COL6A2: variants seen among roughly 807,000 people sequenced by gnomAD.
COL6A2 encodes collagen type VI alpha 2 chain, also known as collagen alpha-2(VI) chain.
In COL6A2, 90 loss-of-function variants were observed where a neutral mutation model predicts 124.9. The observed-to-expected ratio is 0.72, with a 90% CI of 0.61 to 0.86. COL6A2 has a LOEUF of 0.86. Ranked by LOEUF, COL6A2 falls within the 40% of genes least tolerant of loss-of-function variation. The probability of loss-of-function intolerance (pLI) is 0.00; values close to 1 mark genes in which losing one functional copy is unlikely to be tolerated. For missense variants in COL6A2, 1,607 were observed against 1,502.5 expected, an observed-to-expected ratio of 1.07 and a Z score of -1.15; for synonymous variants, 793 against 618.2, an observed-to-expected ratio of 1.28 and a Z score of -4.19.
intron 5 of COL6A2, among the ~76,000 whole-genome samples, chr21:46,115,390 T>C (rs1371433948): frequency 6.6e-6 from 1 of 152,244 alleles, no homozygotes; most frequent in Non-Finnish European, 1.5e-5. Flanking sequence ...AATAGATGAA[T>C]TTATTTAATA....
chr21:46,111,448 A>G lies in COL6A2; in HGVS notation c.-27-2A>G. 1.3e-6 allele frequency: 2 copies of G among 1,567,354 alleles called. No individual in the cohort carries two copies. Among genetic ancestry groups the G allele is most frequent in the South Asian group, 1.1e-5 (1 of 89,838 alleles). ...TCTGAGCGACCCCCACCCCTGTTGCAGGACTTCAGGGCCACAGGTGCTGCC... is the reference window on the plus strand; with the variant it reads ...TCTGAGCGACCCCCACCCCTGTTGCGGGACTTCAGGGCCACAGGTGCTGCC... On this transcript the variant is annotated splice_acceptor_variant, in intron 1 of 27. Transcript: ENST00000300527. LOFTEE classifies it low-confidence loss of function (5UTR_SPLICE).
chr21:46,129,444 C>T (rs1235698604), intron 27 of COL6A2: 6 of 1,604,652 alleles, frequency 3.7e-6, no homozygotes, highest in Non-Finnish European at 5.1e-6. Context: ...TAAGCTGGTG[C>T]ACAGGGACAT....
intron 27 of COL6A2, chr21:46,129,720 C>A: frequency 2.9e-6 from 4 of 1,399,822 alleles, no homozygotes; most frequent in South Asian, 3.4e-5. Context: ...CTTCCTGTGG[C>A]CGCTCTCTTT....
intron 27 of COL6A2, among the ~76,000 whole-genome samples, chr21:46,131,081 A>G (rs1215509136): frequency 6.6e-6 from 1 of 152,102 alleles, no homozygotes; most frequent in Non-Finnish European, 1.5e-5. Context: ...ACCAGCTGTG[A>G]CGACGTCCAG....
intron 27 of COL6A2, chr21:46,129,018 G>A: frequency 6.2e-7 from 1 of 1,603,478 alleles, no homozygotes; most frequent in South Asian, 1.1e-5. Context: ...TGTGCTCACT[G>A]CCCCCACGCC....
chr21:46,132,676 T>C lies in COL6A2; in HGVS notation c.*124T>C. 2.0e-6 allele frequency: 2 copies of C among 995,504 alleles called. No homozygotes were observed. Among genetic ancestry groups the C allele is most frequent in the Non-Finnish European group, 3.0e-6 (2 of 663,142 alleles). The allele number at this position is 995,504 out of a possible 1,614,324, so 61.7% of individuals were successfully genotyped here. ...GGACGACGCCCTGGGCCTGCACCTCTCCAGCTCCTCCCACGGGGTCCCCGT... is the reference window on the plus strand; with the variant it reads ...GGACGACGCCCTGGGCCTGCACCTCCCCAGCTCCTCCCACGGGGTCCCCGT... On this transcript the variant is annotated 3_prime_UTR_variant, in exon 28 of 28. Transcript: ENST00000300527.
In COL6A2 at chr21:46,123,643, G is replaced by A. The variant is rs547923466; in HGVS notation, c.1671+706G>A. 3.9e-5 allele frequency among the ~76,000 whole-genome samples: 6 copies of A among 151,912 alleles called. No individual in the cohort carries two copies. The South Asian group carries it at 8.3e-4, about 21-fold the overall frequency. Reference sequence around the variant, plus strand: ...TTGCTGGATGAGTGGGTGGGTGGATGGATAAGTGGATACATGGGTGAATGA... The same window carrying A: ...TTGCTGGATGAGTGGGTGGGTGGATAGATAAGTGGATACATGGGTGAATGA... On this transcript the variant is annotated intron_variant, in intron 21 of 27. Coordinates refer to ENST00000300527, the MANE Select transcript of COL6A2 (RefSeq NM_001849.4).
intron 19 of COL6A2, 124 bp downstream of exon 19, chr21:46,122,282 C>A: frequency 7.9e-7 from 1 of 1,272,710 alleles, no homozygotes; most frequent in Non-Finnish European, 1.1e-6. Context: ...GTCCCTCCTG[C>A]GGGACAGAGT....
At chr21:46,102,678 A>G (rs1002818724) in intron 1 of COL6A2, among the ~76,000 whole-genome samples, 2 of 147,924 alleles carry the variant, frequency 1.4e-5, no homozygotes, top group African/African-American at 4.9e-5. Context: ...TTCCTCCTTC[A>G]TTCTGTTAAT....
At chr21:46,102,764 T>C (rs911413029) in intron 1 of COL6A2, among the ~76,000 whole-genome samples, 2 of 151,998 alleles carry the variant, frequency 1.3e-5, no homozygotes, top group Admixed American at 6.6e-5. Context: ...TCCTACTTGG[T>C]CAATTCATTA....
chr21:46,130,847 G>GTCACTCATAAGC (rs1438107006), intron 27 of COL6A2, among the ~76,000 whole-genome samples: 1 of 152,178 alleles, frequency 6.6e-6, no homozygotes, highest in Non-Finnish European at 1.5e-5. Context: ...AATGAGCTGC[G>GTCACTCATAAGC]TCACTCATAA....
Position 46,119,970 on chromosome 21 carries a change from A to C in COL6A2, c.1332+120A>C, listed in dbSNP as rs114994097. 0.033 allele frequency: 29,371 copies of C among 892,370 alleles called. 604 individuals carry two copies. The highest frequency in any genetic ancestry group is 0.039 in the Non-Finnish European group (21,313 of 548,504). 55.3% of individuals were successfully genotyped at this position (892,370 alleles called of 1,614,324 possible). Reference sequence around the variant, plus strand: ...AGAACCCCAGGGCCTCACTCTCCAGAGTTCACTCTCTGCAGAGTCTGGGAA... The same window carrying C: ...AGAACCCCAGGGCCTCACTCTCCAGCGTTCACTCTCTGCAGAGTCTGGGAA... On this transcript the variant is annotated intron_variant, in intron 15 of 27. Coordinates refer to ENST00000300527, the MANE Select transcript of COL6A2 (RefSeq NM_001849.4).
chr21:46,120,456 T>G, intron 15 of COL6A2, 59 bp from the exon 16 acceptor site: 1 of 1,403,402 alleles, frequency 7.1e-7, no homozygotes, highest in Non-Finnish European at 9.8e-7. Context: ...GCCTCTCACA[T>G]GGGACCCAGG....
In COL6A2 at chr21:46,119,498, T is replaced by TC. The variant is rs759179306; in HGVS notation, c.1270-289dup. On this transcript the variant is annotated intron_variant, in intron 14 of 27. Coordinates refer to ENST00000300527, the MANE Select transcript of COL6A2 (RefSeq NM_001849.4). Reference sequence around the variant, plus strand: ...CAGGTCCCCACCAGGCCCCAGCCCATCACCTAAAACGCCACTCACCAGACA... The same window carrying TC: ...CAGGTCCCCACCAGGCCCCAGCCCATCCACCTAAAACGCCACTCACCAGACA... 7.2e-5 allele frequency among the ~76,000 whole-genome samples: 11 copies of TC among 152,176 alleles called. No individual in the cohort carries two copies. The East Asian group carries it at 2.1e-3, about 29-fold the overall frequency.
intron 16 of COL6A2, 23 bp downstream of exon 16, chr21:46,120,600 A>C: frequency 1.4e-6 from 2 of 1,447,478 alleles, no homozygotes; most frequent in Non-Finnish European, 1.8e-6. Context: ...GGTGGGCCGC[A>C]CCCCAAGGTA....
Position 46,116,815 on chromosome 21 carries a change from G to A in COL6A2, c.999+1G>A. 2 of 1,612,852 alleles carry A rather than the reference G, an allele frequency of 1.2e-6. No individual in the cohort carries two copies. The highest frequency in any genetic ancestry group is 1.7e-6 in the Non-Finnish European group (2 of 1,179,994). On this transcript the variant is annotated splice_donor_variant, in intron 10 of 27. Coordinates refer to ENST00000300527, the MANE Select transcript of COL6A2 (RefSeq NM_001849.4). LOFTEE classifies it high-confidence loss of function. The surrounding 1 kb of genome is among the most constrained non-coding windows in gnomAD (Gnocchi z 4.6). The stretch of plus-strand genomic sequence containing the variant: ...CAAGAACGGGACCGATGGACAGAAG[G>A]TAGAGGGAGCCTCGGGCTCACAGCT...
rs140290611 is a variant in COL6A2, at chr21:46,107,974, T to G, written c.-27-3476T>G. 1.7e-3 allele frequency among the ~76,000 whole-genome samples: 260 copies of G among 152,298 alleles called. 1 individual carries two copies. Among genetic ancestry groups the G allele is most frequent in the African/African-American group, 6.0e-3 (251 of 41,554 alleles). ...TCATATTTGGCTCAGAATAAATCTC[T>G]TAAAATATTTTACAGAGTTTGACTC... On this transcript the variant is annotated intron_variant, in intron 1 of 27. Transcript: ENST00000300527.
At chr21:46,119,728 T>C in intron 14 of COL6A2, 60 bp from the exon 15 acceptor site, 3 of 1,483,758 alleles carry the variant, frequency 2.0e-6, no homozygotes, top group Non-Finnish European at 2.8e-6. Context: ...GCCCCCACCC[T>C]CCACAGGCTC....
intron 1 of COL6A2, among the ~76,000 whole-genome samples, chr21:46,101,914 G>A (rs1320732545): frequency 2.0e-5 from 2 of 100,166 alleles, no homozygotes; most frequent in Non-Finnish European, 3.8e-5. Context: ...CTAAATTTTA[G>A]GATTTATTCA....
Sources: allele counts gnomAD v4.1 joint callset (sites outside exome capture counted in the v4.1 genomes callset), GRCh38; gene constraint gnomAD v4.1.1; non-coding constraint Gnocchi (gnomAD v3.1); transcripts MANE v1.5; gene names NCBI Gene and HGNC (gene_info 2026-07-23, HGNC 2026-07-21).